Variants in MED12L observed in about 807,000 individuals in gnomAD.
MED12L encodes the protein mediator complex subunit 12L, also known as mediator of RNA polymerase II transcription subunit 12-like protein.
MED12L carries 60 observed loss-of-function variants against 281.3 expected under a neutral mutation model. The ratio of observed to expected loss-of-function variants is 0.21; its 90% CI spans 0.17 to 0.26. MED12L has a LOEUF of 0.26. Among genes scored for constraint, MED12L ranks in the 10% least tolerant of loss-of-function variants. The pLI, the probability that MED12L is intolerant of heterozygous loss-of-function variation, is 1.00. For synonymous variants in MED12L, 974 were observed against 987.2 expected, an observed-to-expected ratio of 0.99 and a Z score of 0.25; for missense variants, 2,146 against 2,680.9, an observed-to-expected ratio of 0.80 and a Z score of 4.41.
chr3:151,217,118 T>C (rs1378786633), intron 16 of MED12L, among the ~76,000 whole-genome samples: 1 of 152,230 alleles, frequency 6.6e-6, no homozygotes, highest in East Asian at 1.9e-4. Context: ...TATATAGTTA[T>C]ATGGTGAAAT....
chr3:151,238,102 T>C (rs549083819), intron 16 of MED12L, among the ~76,000 whole-genome samples: 12 of 152,300 alleles, frequency 7.9e-5, no homozygotes, highest in Non-Finnish European at 1.5e-4. Flanking sequence ...TTAAAACTTT[T>C]CTGTCCTAAA....
chr3:151,232,205 C>T (rs994822331), intron 16 of MED12L, among the ~76,000 whole-genome samples: 4 of 152,144 alleles, frequency 2.6e-5, no homozygotes, highest in African/African-American at 9.7e-5. Flanking sequence ...TTTCTATATA[C>T]TCCTCTATGC....
rs752085750 is a variant in MED12L, at chr3:151,377,149, G to A, written c.4287G>A (p.Thr1429=). 27 of 1,612,966 alleles carry A rather than the reference G, an allele frequency of 1.7e-5. No individual in the cohort carries two copies. The East Asian group carries it at 2.5e-4, about 15-fold the overall frequency. ...TTGGAAGTGCTGATACAAGTAGCAC[G>A]AGACAGAATGGAATAAAGACATTCC... ...NSIGSADTSS[T]RQNGIKTFLS... Residue 1429 remains threonine, a synonymous_variant, in exon 30 of 45, where the codon ACG becomes ACA. Coordinates refer to ENST00000687756, the MANE Select transcript of MED12L (RefSeq NM_001393769.1).
intron 16 of MED12L, among the ~76,000 whole-genome samples, chr3:151,222,655 C>T (rs1034728869): frequency 4.6e-5 from 7 of 152,208 alleles, no homozygotes; most frequent in African/African-American, 1.7e-4. Context: ...TCCAGTAAAC[C>T]TCTTTCTTTT....
chr3:151,106,371 G>A (rs75510788), intron 2 of MED12L, among the ~76,000 whole-genome samples: 2,487 of 116,142 alleles, frequency 0.021, 92 homozygotes, highest in African/African-American at 0.078. Context: ...ACAGGGTCTC[G>A]CCATGTTGGG....
At chr3:151,267,689 ATAAG>A (rs1291129851) in intron 16 of MED12L, among the ~76,000 whole-genome samples, 1 of 152,134 alleles carries the variant, frequency 6.6e-6, no homozygotes, top group Admixed American at 6.6e-5. Context: ...ACTTATATAT[ATAAG>A]TCAGTTTTCA....
At chr3:151,248,585 A>G (rs1163989159) in intron 16 of MED12L, among the ~76,000 whole-genome samples, 5 of 152,178 alleles carry the variant, frequency 3.3e-5, no homozygotes, top group African/African-American at 1.2e-4. Context: ...GACTGTCTGG[A>G]TAATAAGTAT....
Position 151,102,206 on chromosome 3 carries a change from C to T in MED12L, c.100-14132C>T, listed in dbSNP as rs1721473785. On this transcript the variant is annotated intron_variant, in intron 2 of 44. Transcript: ENST00000687756. Reference sequence around the variant, plus strand: ...TGCTTGTCCTGTGCTTTAAATCTCCCTTTAACGCCTGTTATTGACCTCCTT... The same window carrying T: ...TGCTTGTCCTGTGCTTTAAATCTCCTTTTAACGCCTGTTATTGACCTCCTT... 2.6e-5 allele frequency among the ~76,000 whole-genome samples: 4 copies of T among 152,142 alleles called. No homozygotes were observed. In the South Asian group the frequency reaches 8.3e-4, roughly 32 times the overall value.
chr3:151,374,945 T>C (rs2108049095), intron 27 of MED12L, among the ~76,000 whole-genome samples: 1 of 152,322 alleles, frequency 6.6e-6, no homozygotes, highest in African/African-American at 2.4e-5. Flanking sequence ...AAAAAAAAAG[T>C]GACATACCTT....
chr3:151,415,241 T>TA, intron 42 of MED12L, among the ~76,000 whole-genome samples: 2 of 152,238 alleles, frequency 1.3e-5, no homozygotes, highest in African/African-American at 4.8e-5. Context: ...CATCAACACA[T>TA]TCTTCCCTGG....
At chr3:151,137,167 A>G (rs1716260896) in intron 5 of MED12L, among the ~76,000 whole-genome samples, 1 of 134,290 alleles carries the variant, frequency 7.4e-6, no homozygotes, top group Admixed American at 7.5e-5. Flanking sequence ...TCTCAAAAAA[A>G]AAAAGAAAAA....
At chr3:151,300,877 T>C (rs1445149789) in intron 16 of MED12L, among the ~76,000 whole-genome samples, 3 of 152,222 alleles carry the variant, frequency 2.0e-5, no homozygotes, top group Non-Finnish European at 4.4e-5. Flanking sequence ...GCAGTTATTA[T>C]TTCTTTTTAT....
chr3:151,229,305 CTTTT>C (rs35097589), intron 16 of MED12L, among the ~76,000 whole-genome samples: 1 of 112,518 alleles, frequency 8.9e-6, no homozygotes, highest in Non-Finnish European at 1.7e-5. Flanking sequence ...TTCAGCAATT[CTTTT>C]TTTTTTTTTT....
chr3:151,235,632 C>T (rs1472470897), intron 16 of MED12L, among the ~76,000 whole-genome samples: 3 of 151,892 alleles, frequency 2.0e-5, no homozygotes, highest in African/African-American at 4.8e-5. Flanking sequence ...AGGCAGAGGT[C>T]GCAGTGAGCT....
chr3:151,356,481 T>C (rs1753936740), intron 19 of MED12L, among the ~76,000 whole-genome samples: 1 of 152,184 alleles, frequency 6.6e-6, no homozygotes. Context: ...TAGTACAATT[T>C]TGAATAATTT....
rs1744940716 is a variant in MED12L at position 151,295,305 on chromosome 3, A to C, written c.2251-54754A>C. ...TACAGACCCAACTTTTTGTTATTTC[A>C]GGTGAACTTAAAGATGTCATCAATG... On this transcript the variant is annotated intron_variant, in intron 16 of 44. Coordinates refer to ENST00000687756, the MANE Select transcript of MED12L (RefSeq NM_001393769.1). 7 of 731,302 alleles carry C rather than the reference A, an allele frequency of 9.6e-6. No individual in the cohort carries two copies. In the South Asian group the frequency reaches 1.2e-4, roughly 12 times the overall value. The allele number at this position is 731,302 out of a possible 1,614,324, so 45.3% of individuals were successfully genotyped here. A position where few individuals can be genotyped will look rare whatever the true frequency, so the allele number is the denominator to read the frequency against.
At chr3:151,334,310 A>T (rs1198211544) in intron 16 of MED12L, among the ~76,000 whole-genome samples, 1 of 149,764 alleles carries the variant, frequency 6.7e-6, no homozygotes, top group Non-Finnish European at 1.5e-5. Flanking sequence ...GCATTTCCAC[A>T]TCTTTAGTTC....
chr3:151,376,160 A>G lies in MED12L; in HGVS notation c.3999A>G (p.Lys1333=). The G allele has an allele frequency of 1.2e-6, 2 of 1,609,222 alleles. No individual in the cohort carries two copies. Among genetic ancestry groups the G allele is most frequent in the Non-Finnish European group, 8.5e-7 (1 of 1,178,374 alleles). Reference sequence around the variant, plus strand: ...TTATCTGTTATCCTCATGGCATTAAAGAATGTACCGAGGGGGACAATCTGC... The same window carrying G: ...TTATCTGTTATCCTCATGGCATTAAGGAATGTACCGAGGGGGACAATCTGC... ...LQLICYPHGI[K]ECTEGDNLQR... Residue 1333 remains lysine (K), a synonymous_variant, in exon 28 of 45, where the codon AAA becomes AAG. Transcript: ENST00000687756.
chr3:151,233,657 C>T (rs567147822), intron 16 of MED12L, among the ~76,000 whole-genome samples: 2 of 152,150 alleles, frequency 1.3e-5, no homozygotes, highest in Non-Finnish European at 2.9e-5. Flanking sequence ...CACTTGAACC[C>T]GGGAGGCGGA....
Sources: gnomAD v4.1 joint callset for allele counts (sites outside exome capture counted in the v4.1 genomes callset) on GRCh38, gnomAD v4.1.1 for gene constraint, MANE v1.5 for transcripts, NCBI Gene and HGNC (gene_info 2026-07-23, HGNC 2026-07-21) for gene names.